The following METTL8 variants were observed in gnomAD, a reference collection of about 807,000 sequenced individuals.
METTL8 encodes the protein methyltransferase 8, tRNA N3-cytidine.
METTL8 carries 32 observed loss-of-function variants against 48.7 expected under a neutral mutation model. The ratio of observed to expected loss-of-function variants is 0.66; its 90% CI spans 0.50 to 0.88. METTL8 has a LOEUF of 0.88. Among genes scored for constraint, METTL8 ranks in the 40% least tolerant of loss-of-function variants. The pLI is 0.00. For synonymous variants in METTL8, 136 were observed against 157.1 expected, an observed-to-expected ratio of 0.87 and a Z score of 1.01; for missense variants, 464 against 474.4, an observed-to-expected ratio of 0.98 and a Z score of 0.20.
At chr2:171,359,752 AC>A (rs1559107198) in intron 3 of METTL8, among the ~76,000 whole-genome samples, 1 of 152,102 alleles carries the variant, frequency 6.6e-6, no homozygotes, top group Non-Finnish European at 1.5e-5. Flanking sequence ...AGCTGAGACT[AC>A]AGGCATGTGC....
intron 2 of METTL8, among the ~76,000 whole-genome samples, chr2:171,386,371 C>T (rs995960371): frequency 6.6e-6 from 1 of 151,878 alleles, no homozygotes; most frequent in African/African-American, 2.4e-5. Context: ...GAGCAGCTGT[C>T]CAAAAAAGTA....
chr2:171,349,004 C>A (rs1683592384), intron 3 of METTL8, among the ~76,000 whole-genome samples: 1 of 151,942 alleles, frequency 6.6e-6, no homozygotes, highest in South Asian at 2.1e-4. Flanking sequence ...GATTACAAAC[C>A]ACATAATGTA....
upstream of METTL8, chr2:171,434,458 C>T (rs1693626596): frequency 4.0e-6 from 6 of 1,504,612 alleles, no homozygotes; most frequent in Non-Finnish European, 4.4e-6. Context: ...TCAGCTTTCC[C>T]TGGGCCCCGC....
At position 171,330,553 on chromosome 2, in the gene METTL8, A is replaced by G. The variant is rs377079491; in HGVS notation, c.860+6T>C. On this transcript the variant is annotated splice_donor_region_variant and intron_variant, in intron 7 of 9. Transcript: ENST00000375258. Reference sequence around the variant, plus strand: ...ACATCCACTTTGCCCTTTCGTCTTCATTTACCTGTCAGGATGAATAGAAGA... The same window carrying G: ...ACATCCACTTTGCCCTTTCGTCTTCGTTTACCTGTCAGGATGAATAGAAGA... The G allele has an allele frequency of 8.7e-6, 14 of 1,612,318 alleles. No individual in the cohort carries two copies. Among genetic ancestry groups the G allele is most frequent in the Admixed American group, 8.4e-5 (5 of 59,570 alleles).
At chr2:171,342,378 T>C (rs537267980) in intron 3 of METTL8, among the ~76,000 whole-genome samples, 2 of 152,374 alleles carry the variant, frequency 1.3e-5, no homozygotes, top group Admixed American at 1.3e-4. Flanking sequence ...TCTGCACTAA[T>C]GGAAAGAAAC....
In METTL8 at chr2:171,353,832, T is replaced by G. The variant is rs1434210112; in HGVS notation, c.235+6590A>C. ...GCTTGGTAGATCTTCCTCCATCCCT[T>G]TATTTTGAGCCTATGTGTGTCTCTG... On this transcript the variant is annotated intron_variant, in intron 3 of 9. Coordinates refer to ENST00000375258, the MANE Select transcript of METTL8 (RefSeq NM_001321154.2). Among the ~76,000 whole-genome samples, 3 of 152,290 alleles carry G rather than the reference T, an allele frequency of 2.0e-5. No individual in the cohort carries two copies. The East Asian group carries it at 5.8e-4, about 29-fold the overall frequency.
chr2:171,396,513 AT>A (rs1689080471), intron 1 of METTL8, among the ~76,000 whole-genome samples: 1 of 152,120 alleles, frequency 6.6e-6, no homozygotes, highest in Admixed American at 6.6e-5. Context: ...TTTTAAAAAA[AT>A]TTTAGTCTAT....
At chr2:171,432,226 C>CAAAAA (rs5836336) in intron 1 of METTL8, among the ~76,000 whole-genome samples, 1 of 142,418 alleles carries the variant, frequency 7.0e-6, no homozygotes, top group Non-Finnish European at 1.5e-5. Flanking sequence ...AAAGCAACGT[C>CAAAAA]AAAAAAAAAA....
At chr2:171,389,819 G>A (rs909528150) in intron 2 of METTL8, among the ~76,000 whole-genome samples, 8 of 152,198 alleles carry the variant, frequency 5.3e-5, no homozygotes, top group African/African-American at 1.4e-4. Flanking sequence ...AGCAGTAAGT[G>A]CTGATGGAGA....
chr2:171,392,736 CA>C (rs1688688948), intron 1 of METTL8, among the ~76,000 whole-genome samples: 1 of 152,064 alleles, frequency 6.6e-6, no homozygotes, highest in African/African-American at 2.4e-5. Flanking sequence ...TTAATTCTAA[CA>C]ATCCTGTATA....
chr2:171,336,137 C>T (rs1686062079), intron 5 of METTL8, among the ~76,000 whole-genome samples: 1 of 151,828 alleles, frequency 6.6e-6, no homozygotes, highest in Admixed American at 6.6e-5. Context: ...CGCACTGTTG[C>T]CTGGGCTGGA....
chr2:171,404,390 C>T (rs1423931586), intron 1 of METTL8, among the ~76,000 whole-genome samples: 1 of 151,882 alleles, frequency 6.6e-6, no homozygotes, highest in African/African-American at 2.4e-5. Flanking sequence ...GGAGCCATGA[C>T]GGTGTCAATG....
intron 1 of METTL8, among the ~76,000 whole-genome samples, chr2:171,397,352 T>TAAAAAAAAAAAAAAAAAAAAAAAA (rs71013039): frequency 8.5e-5 from 1 of 11,708 alleles, no homozygotes; most frequent in Non-Finnish European, 1.6e-4. Context: ...ACCCTGTCTC[T>TAAAAAAAAAAAAAAAAAAAAAAAA]AAAAAAAAAA....
At chr2:171,396,837 A>G (rs1689110594) in intron 1 of METTL8, among the ~76,000 whole-genome samples, 1 of 151,720 alleles carries the variant, frequency 6.6e-6, no homozygotes, top group African/African-American at 2.4e-5. Flanking sequence ...CAAATCAATA[A>G]TCTCAGCTTC....
chr2:171,356,176 G>A (rs1386590020), intron 3 of METTL8, among the ~76,000 whole-genome samples: 2 of 151,572 alleles, frequency 1.3e-5, no homozygotes, highest in Admixed American at 6.6e-5. Flanking sequence ...TTTTTGAGAT[G>A]GTCACCCAGG....
chr2:171,425,715 T>C (rs199633827), intron 1 of METTL8, among the ~76,000 whole-genome samples: 1 of 152,352 alleles, frequency 6.6e-6, no homozygotes, highest in East Asian at 1.9e-4. Context: ...TTAGGACTTC[T>C]ACAAGAATTT....
intron 2 of METTL8, among the ~76,000 whole-genome samples, chr2:171,364,079 C>G (rs1446066869): frequency 6.6e-6 from 1 of 151,866 alleles, no homozygotes; most frequent in Admixed American, 6.6e-5. Flanking sequence ...TCCCAAAGTG[C>G]TAGGATTACA....
At chr2:171,367,128 A>G (rs1685813041) in intron 2 of METTL8, among the ~76,000 whole-genome samples, 1 of 152,140 alleles carries the variant, frequency 6.6e-6, no homozygotes, top group Admixed American at 6.5e-5. Flanking sequence ...AATAATAAAG[A>G]AATACTAAAA....
At chr2:171,333,022 T>C (rs1453798235) in intron 5 of METTL8, among the ~76,000 whole-genome samples, 1 of 130,758 alleles carries the variant, frequency 7.6e-6, no homozygotes, top group Non-Finnish European at 1.6e-5. Context: ...TAAATAAATA[T>C]GGAATTTATT....
Sources: allele counts gnomAD v4.1 joint callset (sites outside exome capture counted in the v4.1 genomes callset), GRCh38; gene constraint gnomAD v4.1.1; transcripts MANE v1.5; gene names NCBI Gene and HGNC (gene_info 2026-07-23, HGNC 2026-07-21).